THADA: variants seen among roughly 807,000 people sequenced by gnomAD.
THADA encodes THADA armadillo repeat containing.
THADA carries 213 observed loss-of-function variants against 219.8 expected under a neutral mutation model. The ratio of observed to expected loss-of-function variants is 0.97; its 90% CI spans 0.87 to 1.09. THADA has a LOEUF of 1.09. Among genes scored for constraint, THADA ranks in the 50% least tolerant of loss-of-function variants. The probability of loss-of-function intolerance (pLI) is 0.00; values close to 1 mark genes in which losing one functional copy is unlikely to be tolerated. For synonymous variants in THADA, 1,018 were observed against 828.9 expected (o/e 1.23, Z -3.92); for missense variants, 2,956 against 2,311.3 (o/e 1.28, Z -5.72).
chr2:43,264,329 G>A (rs1671287409), intron 36 of THADA, among the ~76,000 whole-genome samples: 1 of 148,302 alleles, frequency 6.7e-6, no homozygotes, highest in African/African-American at 2.5e-5. Flanking sequence ...CTTGTTGCCC[G>A]GGCTAAAGGG....
At chr2:43,366,894 A>T (rs1286792186) in intron 29 of THADA, among the ~76,000 whole-genome samples, 1 of 152,242 alleles carries the variant, frequency 6.6e-6, no homozygotes, top group Non-Finnish European at 1.5e-5. Flanking sequence ...ATGTACAGCA[A>T]ATAATGTACA....
chr2:43,540,886 G>A lies in THADA; in HGVS notation c.3264+273C>T, dbSNP rs1042139820. On this transcript the variant is annotated intron_variant, in intron 21 of 37. Coordinates refer to ENST00000405975, the MANE Select transcript of THADA (RefSeq NM_022065.5). ...AGTTTAAGTCTGTGTATGTGAAATGGAGAAATAAAAATTAGAGATAAAACT... is the reference window on the plus strand; with the variant it reads ...AGTTTAAGTCTGTGTATGTGAAATGAAGAAATAAAAATTAGAGATAAAACT... 3.3e-5 allele frequency among the ~76,000 whole-genome samples: 5 copies of A among 152,208 alleles called. No individual in the cohort carries two copies. In the East Asian group the frequency reaches 9.6e-4, roughly 29 times the overall value.
At chr2:43,297,829 G>T (rs1438900737) in intron 31 of THADA, among the ~76,000 whole-genome samples, 2 of 87,588 alleles carry the variant, frequency 2.3e-5, no homozygotes, top group Admixed American at 1.0e-4. Flanking sequence ...GGTGGGGGGG[G>T]ATCAGCCCCC....
chr2:43,532,381 C>G (rs1693995724), intron 21 of THADA, among the ~76,000 whole-genome samples: 1 of 145,966 alleles, frequency 6.9e-6, no homozygotes, highest in Non-Finnish European at 1.5e-5. Context: ...CCACTGCACT[C>G]CAGCCTGGTC....
chr2:43,566,392 G>A, intron 15 of THADA: 1 of 670,366 alleles, frequency 1.5e-6, no homozygotes, highest in Non-Finnish European at 2.7e-6. Flanking sequence ...GAACAGATTG[G>A]ATACTATCTT....
At chr2:43,460,668 CA>C (rs1348479708) in intron 26 of THADA, among the ~76,000 whole-genome samples, 8 of 152,118 alleles carry the variant, frequency 5.3e-5, no homozygotes, top group Admixed American at 4.6e-4. Context: ...GGAACTTTAT[CA>C]AGTTTACAAA....
At chr2:43,388,394 G>A (rs1672953415) in intron 29 of THADA, among the ~76,000 whole-genome samples, 1 of 152,068 alleles carries the variant, frequency 6.6e-6, no homozygotes, top group African/African-American at 2.4e-5. Context: ...TGGCTCGCAG[G>A]GGATGGAAAG....
chr2:43,556,586 A>G (rs1425708000), intron 16 of THADA, 31 bp from the exon 17 acceptor site: 2 of 1,582,788 alleles, frequency 1.3e-6, no homozygotes, highest in African/African-American at 2.7e-5. Flanking sequence ...AGTAACTGTC[A>G]AATTAAAGAT....
intron 25 of THADA, chr2:43,492,080 A>AGGCG (rs1263046444): frequency 5.3e-5 from 8 of 152,314 alleles, no homozygotes; most frequent in African/African-American, 1.9e-4. Context: ...TGGGAGGCCG[A>AGGCG]GGCAGATGGA....
At chr2:43,325,996 G>C (rs188160225) in intron 30 of THADA, among the ~76,000 whole-genome samples, 12 of 152,172 alleles carry the variant, frequency 7.9e-5, no homozygotes, top group African/African-American at 2.9e-4. Context: ...AATTAAATAT[G>C]CTCTATCTTG....
chr2:43,429,289 T>C (rs1345861255), intron 27 of THADA, among the ~76,000 whole-genome samples: 2 of 152,104 alleles, frequency 1.3e-5, no homozygotes, highest in African/African-American at 2.4e-5. Context: ...GTATTTTTAA[T>C]AGAGACAGGG....
chr2:43,341,778 T>C (rs1421627908), intron 30 of THADA, among the ~76,000 whole-genome samples: 1 of 152,178 alleles, frequency 6.6e-6, no homozygotes. Context: ...TAGGAAGAAG[T>C]GGCCTATTAC....
At chr2:43,300,696 G>A (rs1198657535) in intron 31 of THADA, among the ~76,000 whole-genome samples, 1 of 152,174 alleles carries the variant, frequency 6.6e-6, no homozygotes, top group Non-Finnish European at 1.5e-5. Context: ...GAATTAATGT[G>A]TCAACAGAGG....
intron 36 of THADA, chr2:43,233,276 C>T (rs1667651694): frequency 5.3e-6 from 1 of 188,748 alleles, no homozygotes; most frequent in South Asian, 1.2e-4. Context: ...AAGCAGATCT[C>T]TTGGGCACAA....
chr2:43,528,543 A>G (rs1299999574), intron 21 of THADA, among the ~76,000 whole-genome samples: 1 of 152,212 alleles, frequency 6.6e-6, no homozygotes, highest in Non-Finnish European at 1.5e-5. Flanking sequence ...AAGAAAGGCT[A>G]AGAAACTTAT....
chr2:43,462,842 A>G (rs1177479470), intron 26 of THADA, among the ~76,000 whole-genome samples: 3 of 152,206 alleles, frequency 2.0e-5, no homozygotes, highest in African/African-American at 7.2e-5. Context: ...AGGCATTTCC[A>G]GTTCAAAATA....
chr2:43,434,058 TAAA>T (rs1679753372), intron 26 of THADA, among the ~76,000 whole-genome samples: 1 of 152,012 alleles, frequency 6.6e-6, no homozygotes, highest in Admixed American at 6.6e-5. Flanking sequence ...AAGATAATCT[TAAA>T]GAAGAACAAG....
At chr2:43,361,043 C>A (rs1199377012) in intron 29 of THADA, among the ~76,000 whole-genome samples, 1 of 151,892 alleles carries the variant, frequency 6.6e-6, no homozygotes, top group Non-Finnish European at 1.5e-5. Flanking sequence ...GGGGGTGCTA[C>A]CAGCATCTAC....
chr2:43,469,936 G>A (rs899995768), intron 26 of THADA, among the ~76,000 whole-genome samples: 5 of 152,090 alleles, frequency 3.3e-5, no homozygotes, highest in Admixed American at 1.3e-4. Context: ...GACAAGGGCC[G>A]GGTGTGGCTC....
Sources: gnomAD v4.1 joint callset for allele counts (sites outside exome capture counted in the v4.1 genomes callset) on GRCh38, gnomAD v4.1.1 for gene constraint, MANE v1.5 for transcripts, NCBI Gene and HGNC (gene_info 2026-07-23, HGNC 2026-07-21) for gene names.